The following SORCS3 variants were observed in gnomAD, a reference collection of about 807,000 sequenced individuals.
SORCS3 encodes VPS10 domain-containing receptor SorCS3.
In SORCS3, 57 loss-of-function variants were observed where a neutral mutation model predicts 146.3. The observed-to-expected ratio is 0.39, with a 90% CI of 0.31 to 0.49. SORCS3 has a LOEUF of 0.49. Ranked by LOEUF, SORCS3 falls within the 20% of genes least tolerant of loss-of-function variation. The pLI, the probability that SORCS3 is intolerant of heterozygous loss-of-function variation, is 0.92. For synonymous variants in SORCS3, 653 were observed against 618.5 expected (o/e 1.06, Z -0.83); for missense variants, 1,341 against 1,575.5 (o/e 0.85, Z 2.52).
intron 12 of SORCS3, among the ~76,000 whole-genome samples, chr10:105,166,744 G>T (rs1302739019): frequency 1.3e-5 from 2 of 152,168 alleles, no homozygotes; most frequent in African/African-American, 2.4e-5. Flanking sequence ...CATCCAACTT[G>T]CAGGGAGGTG....
chr10:105,154,069 G>GAAAAA (rs59868914), intron 9 of SORCS3, among the ~76,000 whole-genome samples: 9,867 of 75,620 alleles, frequency 0.13, 1,070 homozygotes, highest in African/African-American at 0.23. Context: ...GACTCCATCT[G>GAAAAA]AAAAAAAAAA....
At chr10:104,774,409 C>T (rs1254160588) in intron 1 of SORCS3, among the ~76,000 whole-genome samples, 1 of 152,150 alleles carries the variant, frequency 6.6e-6, no homozygotes, top group Non-Finnish European at 1.5e-5. Flanking sequence ...CAACCTGTGT[C>T]GACGCTGCCA....
chr10:104,974,060 A>G, intron 3 of SORCS3, among the ~76,000 whole-genome samples: 1 of 152,034 alleles, frequency 6.6e-6, no homozygotes. Context: ...GGTCTGAGAG[A>G]CAGTTTGTTA....
chr10:104,829,108 G>T (rs1314613218), intron 1 of SORCS3, among the ~76,000 whole-genome samples: 1 of 152,176 alleles, frequency 6.6e-6, no homozygotes, highest in Non-Finnish European at 1.5e-5. Flanking sequence ...TTAAACTCAA[G>T]AAGTGTGTTA....
intron 2 of SORCS3, among the ~76,000 whole-genome samples, chr10:104,873,652 G>T (rs1437682438): frequency 6.6e-6 from 1 of 152,028 alleles, no homozygotes; most frequent in African/African-American, 2.4e-5. Flanking sequence ...TATAATTGTG[G>T]CATATCTTTA....
Position 105,158,980 on chromosome 10 carries a change from T to G in SORCS3, c.1718T>G (p.Leu573Arg). ...TCTAGCAAGGAGACAGCCCCAGGAC[T>G]TGTGGTGGCTACAGGTAAGAAAAAC... is the stretch of plus-strand genomic sequence containing the variant. ...RISSKETAPG[L>R]VVATGNIGPE... Residue 573 changes from leucine to arginine, a missense_variant, in exon 11 of 27, where the codon CTT becomes CGT. By Grantham distance (102) the Leu-to-Arg change is moderately radical. Coordinates refer to ENST00000369701, the MANE Select transcript of SORCS3 (RefSeq NM_014978.3). 1 of 1,611,054 alleles carries G rather than the reference T, an allele frequency of 6.2e-7. No homozygotes were observed. The highest frequency in any genetic ancestry group is 8.5e-7 in the Non-Finnish European group (1 of 1,177,682).
At chr10:104,997,405 C>T (rs1442946403) in intron 4 of SORCS3, among the ~76,000 whole-genome samples, 3 of 152,136 alleles carry the variant, frequency 2.0e-5, no homozygotes, top group African/African-American at 7.2e-5. Context: ...ATGAACACTT[C>T]TGATTGTGTT....
At chr10:105,049,890 T>C (rs1317373951) in intron 5 of SORCS3, among the ~76,000 whole-genome samples, 1 of 152,080 alleles carries the variant, frequency 6.6e-6, no homozygotes, top group Non-Finnish European at 1.5e-5. Flanking sequence ...GGTTCAGTCG[T>C]ATCTCAAATT....
intron 3 of SORCS3, among the ~76,000 whole-genome samples, chr10:104,968,207 C>T (rs1287283446): frequency 1.3e-5 from 2 of 152,136 alleles, no homozygotes; most frequent in African/African-American, 2.4e-5. Flanking sequence ...CCTCTGCCTC[C>T]CAGGTTCAAG....
intron 19 of SORCS3, among the ~76,000 whole-genome samples, chr10:105,221,400 C>T (rs936094979): frequency 4.6e-5 from 7 of 152,094 alleles, no homozygotes; most frequent in African/African-American, 1.4e-4. Flanking sequence ...TGGTGGTGGT[C>T]GGCAGTAGTG....
chr10:104,642,006 AT>A, intron 1 of SORCS3, 52 bp downstream of exon 1: 2 of 56,362 alleles, frequency 3.5e-5, no homozygotes, highest in Admixed American at 2.2e-4. Flanking sequence ...CCGAAGGGGA[AT>A]GGGGGGGTGG....
At chr10:105,133,278 G>A (rs1245476342) in intron 7 of SORCS3, among the ~76,000 whole-genome samples, 8 of 152,196 alleles carry the variant, frequency 5.3e-5, no homozygotes, top group African/African-American at 1.7e-4. Context: ...TCCAATGGAG[G>A]AATCCAAACT....
intron 1 of SORCS3, among the ~76,000 whole-genome samples, chr10:104,664,075 TG>T (rs1287833895): frequency 6.6e-6 from 1 of 152,146 alleles, no homozygotes; most frequent in African/African-American, 2.4e-5. Context: ...AGAGCTTTGC[TG>T]GTTGCTGGGG....
intron 1 of SORCS3, among the ~76,000 whole-genome samples, chr10:104,835,381 C>G (rs1359048510): frequency 6.6e-6 from 1 of 152,134 alleles, no homozygotes; most frequent in Non-Finnish European, 1.5e-5. Flanking sequence ...AAAGAATTAT[C>G]AGGTCTAGGC....
chr10:104,876,824 T>G (rs562162971), intron 2 of SORCS3, among the ~76,000 whole-genome samples: 1 of 151,664 alleles, frequency 6.6e-6, no homozygotes, highest in East Asian at 1.9e-4. Context: ...TCCTTCTTTC[T>G]TTCTTTCTTC....
At chr10:105,240,372 T>A (rs539787268) in intron 20 of SORCS3, among the ~76,000 whole-genome samples, 32 of 152,248 alleles carry the variant, frequency 2.1e-4, no homozygotes, top group African/African-American at 6.7e-4. Flanking sequence ...AAATGCCTGG[T>A]GGTGATAGGT....
chr10:104,815,395 GC>G (rs1462148460), intron 1 of SORCS3, among the ~76,000 whole-genome samples: 5 of 133,176 alleles, frequency 3.8e-5, no homozygotes, highest in African/African-American at 1.4e-4. Flanking sequence ...GTGGCAGTGA[GC>G]CGAGATCACA....
At chr10:104,871,743 C>T (rs145063983) in intron 2 of SORCS3, among the ~76,000 whole-genome samples, 2 of 152,166 alleles carry the variant, frequency 1.3e-5, no homozygotes, top group African/African-American at 4.8e-5. Flanking sequence ...CTGAGGTACA[C>T]GTGCCCCTGA....
intron 2 of SORCS3, among the ~76,000 whole-genome samples, chr10:104,887,596 C>G (rs2018702168): frequency 6.6e-6 from 1 of 152,120 alleles, no homozygotes; most frequent in Admixed American, 6.5e-5. Flanking sequence ...AATTGTCACT[C>G]TGGGTCAGGT....
Sources: gnomAD v4.1 joint callset for allele counts (sites outside exome capture counted in the v4.1 genomes callset) on GRCh38, gnomAD v4.1.1 for gene constraint, MANE v1.5 for transcripts, NCBI Gene and HGNC (gene_info 2026-07-23, HGNC 2026-07-21) for gene names.